The following RBM10 variants were observed in gnomAD, a reference collection of about 807,000 sequenced individuals.
RBM10 encodes RNA binding motif protein 10, also known as RNA-binding protein 10.
In RBM10, 1 loss-of-function variant was observed where a neutral mutation model predicts 84.9. The observed-to-expected ratio is 0.01, with a 90% CI of 0.00 to 0.06. The LOEUF (loss-of-function observed/expected upper bound fraction) is 0.06. RBM10 is among the 10% of genes least tolerant of loss of function. RBM10 has a pLI of 1.00. For missense variants in RBM10, 438 were observed against 839.0 expected (o/e 0.52, Z 5.90); for synonymous variants, 326 against 344.5 (o/e 0.95, Z 0.60).
intron 7 of RBM10, among the ~76,000 whole-genome samples, chrX:47,178,281 G>A (rs1239884094): frequency 2.7e-5 from 3 of 111,474 alleles, no homozygotes; most frequent in African/African-American, 9.8e-5. Flanking sequence ...GTTTCGGAAA[G>A]TCCATTGTTC....
In RBM10 at chrX:47,185,266, G is replaced by A. The variant is rs782412480; in HGVS notation, c.2101-36G>A. On this transcript the variant is annotated intron_variant, in intron 18 of 23. Transcript: ENST00000377604. ...ATCTTGTCCTTCCTTTGGGCCCTCT[G>A]TGGAGTCCCTGAATTTCTGTGTCCC... The A allele has an allele frequency of 2.5e-6, 3 of 1,210,099 alleles. No homozygotes were observed. The African/African-American group carries it at 5.2e-5, about 21-fold the overall frequency.
intron 2 of RBM10, among the ~76,000 whole-genome samples, chrX:47,154,044 T>C (rs1932905899): frequency 9.0e-6 from 1 of 110,814 alleles, no homozygotes; most frequent in African/African-American, 3.3e-5. Flanking sequence ...AGTGACAGAG[T>C]GACACCCTGT....
rs376444393 is a variant in RBM10 at position 47,185,048 on chromosome X, C to T, written c.1951-7C>T. On this transcript the variant is annotated splice_region_variant and splice_polypyrimidine_tract_variant and intron_variant, in intron 17 of 23. Coordinates refer to ENST00000377604, the MANE Select transcript of RBM10 (RefSeq NM_005676.5). ...TCTGGGAACCTCACCTCCACCCTCA[C>T]CCCCAGATTGCCAAGGACATGGAAC... The T allele has an allele frequency of 5.6e-5, 68 of 1,205,033 alleles. No homozygotes were observed. In the African/African-American group the frequency reaches 1.1e-3, roughly 20 times the overall value.
At chrX:47,184,739 T>C (rs1265276766) in intron 17 of RBM10, among the ~76,000 whole-genome samples, 1 of 110,865 alleles carries the variant, frequency 9.0e-6, no homozygotes. Flanking sequence ...AGGTCAGGAG[T>C]AGCCAGGTGC....
intron 17 of RBM10, among the ~76,000 whole-genome samples, chrX:47,183,988 C>T (rs1935727449): frequency 9.2e-6 from 1 of 109,211 alleles, no homozygotes; most frequent in Admixed American, 9.7e-5. Flanking sequence ...CATGAGCTAC[C>T]GCGCCTGGCT....
At chrX:47,166,026 TAAA>T (rs1207042384) in intron 2 of RBM10, among the ~76,000 whole-genome samples, 1 of 103,488 alleles carries the variant, frequency 9.7e-6, no homozygotes, top group South Asian at 4.2e-4. Flanking sequence ...TCTCAAAATT[TAAA>T]AAAAAAAGGA....
In RBM10 at chrX:47,186,495, T is replaced by A. The variant is rs782339104; in HGVS notation, c.2689T>A (p.Ser897Thr). The A allele has an allele frequency of 8.3e-7, 1 of 1,207,569 alleles. No individual in the cohort carries two copies. The highest frequency in any genetic ancestry group is 3.0e-5 in the East Asian group (1 of 33,662). The stretch of plus-strand genomic sequence containing the variant: ...ACAGGCCCAAACACGGGTGCGGGGC[T>A]CCGGCCTGGGTGCACGGGGCAGCTC... ...PIEAQTRVRG[S>T]GLGARGSSYG... Residue 897 changes from serine to threonine, a missense_variant, in exon 24 of 24, where the codon TCC becomes ACC. Physicochemically the swap from Ser to Thr is moderately conservative, Grantham distance 58. Coordinates refer to ENST00000377604, the MANE Select transcript of RBM10 (RefSeq NM_005676.5).
rs782404061 is a variant in RBM10, at chrX:47,185,707, C to T, written c.2356-9C>T. 8.3e-7 allele frequency: 1 copy of T among 1,211,591 alleles called. No individual in the cohort carries two copies. Among genetic ancestry groups the T allele is most frequent in the East Asian group, 3.0e-5 (1 of 33,853 alleles). On this transcript the variant is annotated splice_polypyrimidine_tract_variant and intron_variant, in intron 20 of 23. Coordinates refer to ENST00000377604, the MANE Select transcript of RBM10 (RefSeq NM_005676.5). ...ATCCTCTTCACTTCTCATCCTGTCC[C>T]TCTTGCAGCAAAACCTTGAGATTCA...
chrX:47,155,225 G>A (rs189976927), intron 2 of RBM10, among the ~76,000 whole-genome samples: 1 of 108,807 alleles, frequency 9.2e-6, no homozygotes, highest in Admixed American at 1.0e-4. Context: ...GTTCACAGCA[G>A]TATCCCCATT....
intron 2 of RBM10, chrX:47,157,077 A>G: frequency 3.5e-6 from 1 of 281,753 alleles, no homozygotes; most frequent in South Asian, 3.7e-5. Flanking sequence ...TGCCTGCCGC[A>G]GGGCCCGGGG....
intron 4 of RBM10, among the ~76,000 whole-genome samples, chrX:47,171,756 G>A (rs782133983): frequency 1.8e-5 from 2 of 111,860 alleles, no homozygotes; most frequent in African/African-American, 3.3e-5. Context: ...CAGCCTCCAC[G>A]CCTGCCTCCC....
intron 2 of RBM10, 100 bp from the exon 3 acceptor site, chrX:47,169,215 C>CA (rs1934456571): frequency 8.1e-6 from 7 of 865,054 alleles, no homozygotes; most frequent in Admixed American, 3.1e-5. Flanking sequence ...TATGCTCCTC[C>CA]AAAAAAACCA....
At chrX:47,161,081 A>G (rs1933643023) in intron 2 of RBM10, among the ~76,000 whole-genome samples, 1 of 111,207 alleles carries the variant, frequency 9.0e-6, no homozygotes, top group South Asian at 3.8e-4. Context: ...TCAGCCTCAC[A>G]CACAGCTAAT....
rs1171009513 is a variant in RBM10 at position 47,179,015 on chromosome X, G to A, written c.664-88G>A. On this transcript the variant is annotated intron_variant, in intron 7 of 23. Transcript: ENST00000377604. The stretch of plus-strand genomic sequence containing the variant: ...GGGGCTTTCCTTCCTGGGGCACTGC[G>A]GGGTCCCTGGGAGATCTCTTCATCC... The A allele has an allele frequency of 1.5e-5, 17 of 1,168,740 alleles. No individual in the cohort carries two copies. In the Admixed American group the frequency reaches 1.5e-4, roughly 11 times the overall value.
chrX:47,153,617 C>T (rs1227398335), intron 2 of RBM10, among the ~76,000 whole-genome samples: 2 of 112,077 alleles, frequency 1.8e-5, no homozygotes, highest in African/African-American at 6.5e-5. Flanking sequence ...TCTAGGATAT[C>T]TACACCTGTA....
chrX:47,183,214 A>G (rs1368631832), intron 17 of RBM10, among the ~76,000 whole-genome samples: 1 of 111,871 alleles, frequency 8.9e-6, no homozygotes, highest in East Asian at 2.8e-4. Flanking sequence ...GATGGCATTA[A>G]ATGGAGACTC....
intron 2 of RBM10, chrX:47,158,124 C>T: frequency 4.5e-6 from 1 of 220,625 alleles, no homozygotes; most frequent in Non-Finnish European, 8.3e-6. Context: ...TCCGCTAAAG[C>T]CGGGAAATTG....
chrX:47,147,580 G>T, intron 2 of RBM10, 82 bp downstream of exon 2: 5 of 1,116,754 alleles, frequency 4.5e-6, no homozygotes, highest in Non-Finnish European at 6.2e-6. Context: ...CTAGGATGGG[G>T]CTTCTGGGTA....
intron 6 of RBM10, among the ~76,000 whole-genome samples, chrX:47,175,669 C>T (rs969564766): frequency 5.4e-5 from 6 of 111,298 alleles, no homozygotes; most frequent in Admixed American, 9.4e-5. Flanking sequence ...CTCACTTCGC[C>T]GCCCCTACCC....
Sources: gnomAD v4.1 joint callset for allele counts (sites outside exome capture counted in the v4.1 genomes callset) on GRCh38, gnomAD v4.1.1 for gene constraint, MANE v1.5 for transcripts, NCBI Gene and HGNC (gene_info 2026-07-23, HGNC 2026-07-21) for gene names.